Variants in TTC34 observed in about 807,000 individuals in gnomAD.
The protein encoded by TTC34 is tetratricopeptide repeat domain 34.
Under a neutral mutation model 40.7 loss-of-function variants are expected in TTC34, and 44 were observed. The ratio of observed to expected loss-of-function variants is 1.08; its 90% CI spans 0.85 to 1.39. The LOEUF is 1.39. Ranked by LOEUF, TTC34 falls within the 40% of genes most tolerant of loss-of-function variation. TTC34 has a pLI of 0.00. For synonymous variants in TTC34, 422 were observed against 398.6 expected (o/e 1.06, Z -0.70); for missense variants, 884 against 838.0 (o/e 1.05, Z -0.68).
rs1181228335 is a variant in TTC34, at chr1:2,796,693, A to G, written c.784+3351T>C. On this transcript the variant is annotated intron_variant, in intron 2 of 8. Transcript: ENST00000401095. This position sits in a 1 kb window ranked among gnomAD's most constrained non-coding sequence, Gnocchi z 4.5. ...CTCCTGGAGCCCCCTTGCTGTGGGC[A>G]TGGTCCTCACCAGCCCCTGAGTGCC... Among the ~76,000 whole-genome samples the G allele has an allele frequency of 1.3e-5, 2 of 152,132 alleles. No individual in the cohort carries two copies. Among genetic ancestry groups the G allele is most frequent in the African/African-American group, 2.4e-5 (1 of 41,422 alleles).
chr1:2,649,775 A>G lies in TTC34; in HGVS notation c.2227-4212T>C, dbSNP rs150268071. Among the ~76,000 whole-genome samples the G allele has an allele frequency of 9.4e-3, 1,434 of 152,180 alleles. 29 individuals carry two copies. The highest frequency in any genetic ancestry group is 0.033 in the African/African-American group (1,363 of 41,508). On this transcript the variant is annotated intron_variant, in intron 6 of 8. Transcript: ENST00000401095. Reference sequence around the variant, plus strand: ...GTGATCCACCCACCTCGGCCTCCCAAAGTGCTGGGATTACAAGCACGAGTC... The same window carrying G: ...GTGATCCACCCACCTCGGCCTCCCAGAGTGCTGGGATTACAAGCACGAGTC...
intron 6 of TTC34, among the ~76,000 whole-genome samples, chr1:2,687,251 G>C (rs1419718172): frequency 7.9e-6 from 1 of 126,920 alleles, no homozygotes; most frequent in South Asian, 2.3e-4. Flanking sequence ...ACACCCCCAG[G>C]TGCGCATCTG....
At chr1:2,768,530 C>T (rs1489400029) in intron 6 of TTC34, among the ~76,000 whole-genome samples, 3 of 151,662 alleles carry the variant, frequency 2.0e-5, no homozygotes, top group Non-Finnish European at 4.4e-5. Context: ...CCTGGAACAG[C>T]ACCCCACAAC....
At chr1:2,653,624 C>G (rs1450506144) in intron 6 of TTC34, among the ~76,000 whole-genome samples, 19 of 125,014 alleles carry the variant, frequency 1.5e-4, no homozygotes, top group Admixed American at 1.4e-3. Context: ...AAGTGAGCAT[C>G]TGACAGCCTG....
At chr1:2,652,072 G>A (rs55657722) in intron 6 of TTC34, among the ~76,000 whole-genome samples, 2 of 20,434 alleles carry the variant, frequency 9.8e-5, no homozygotes, top group African/African-American at 2.0e-4. Flanking sequence ...CAGCCTGGAG[G>A]AGCACCCACA....
chr1:2,693,294 C>T lies in TTC34; in HGVS notation c.2227-47731G>A, dbSNP rs542530640. ...CAGGTGAGCATCTGACAGACTGGAA[C>T]TGCACCCCCATGCCCAGGTGAGCCT... On this transcript the variant is annotated intron_variant, in intron 6 of 8. Coordinates refer to ENST00000401095, the Ensembl canonical transcript of TTC34. 3.2e-3 allele frequency among the ~76,000 whole-genome samples: 369 copies of T among 114,808 alleles called. 1 individual carries two copies. The highest frequency in any genetic ancestry group is 0.014 in the Middle Eastern group (3 of 222). The allele number at this position is 114,808 out of a possible 152,430, so 75.3% of individuals were successfully genotyped here. A position where few individuals can be genotyped will look rare whatever the true frequency, so the allele number is the denominator to read the frequency against.
intron 8 of TTC34, among the ~76,000 whole-genome samples, chr1:2,643,000 C>T (rs1235335092): frequency 1.3e-5 from 2 of 152,208 alleles, no homozygotes; most frequent in African/African-American, 4.8e-5. Context: ...GGCACCTGAC[C>T]CCGACCCGTA....
intron 6 of TTC34, among the ~76,000 whole-genome samples, chr1:2,657,382 C>A (rs1432247194): frequency 2.1e-5 from 2 of 93,412 alleles, no homozygotes; most frequent in Admixed American, 1.0e-4. Flanking sequence ...CACCCACACC[C>A]CGAGGTGAGC....
At chr1:2,772,889 AC>A (rs1373193610) in intron 6 of TTC34, among the ~76,000 whole-genome samples, 5 of 74,938 alleles carry the variant, frequency 6.7e-5, no homozygotes, top group Non-Finnish European at 1.4e-4. Context: ...CTGGAGCAGA[AC>A]CCCACACCCC....
exon 3 of TTC34, chr1:2,790,225 C>T (rs1381670793): frequency 7.5e-6 from 3 of 398,298 alleles, no homozygotes; most frequent in African/African-American, 6.2e-5. Context: ...GGAACTGCCT[C>T]CGCGCCCCAG....
chr1:2,751,585 A>T (rs1442371955), intron 6 of TTC34, among the ~76,000 whole-genome samples: 1 of 107,972 alleles, frequency 9.3e-6, no homozygotes, highest in African/African-American at 4.2e-5. Context: ...TGCGCACGTG[A>T]CAGCCTGCAA....
intron 6 of TTC34, among the ~76,000 whole-genome samples, chr1:2,691,242 G>T (rs1164919317): frequency 1.2e-5 from 1 of 86,670 alleles, no homozygotes; most frequent in African/African-American, 3.8e-5. Flanking sequence ...GCATCTGACA[G>T]CCTGCAACAG....
intron 2 of TTC34, among the ~76,000 whole-genome samples, chr1:2,794,019 T>C (rs1264439184): frequency 6.6e-6 from 1 of 151,976 alleles, no homozygotes; most frequent in Non-Finnish European, 1.5e-5. Context: ...TCTTTTCTGA[T>C]ACAATGTTTG....
At chr1:2,652,475 GAACC>G (rs1639177734) in intron 6 of TTC34, among the ~76,000 whole-genome samples, 2 of 115,892 alleles carry the variant, frequency 1.7e-5, no homozygotes, top group Admixed American at 9.1e-5. Context: ...GCCTGGAGCA[GAACC>G]CACACCCCCA....
rs1569750630 is a variant in TTC34 at position 2,768,739 on chromosome 1, C to T, written c.2226+14870G>A. 3.5e-5 allele frequency among the ~76,000 whole-genome samples: 5 copies of T among 142,454 alleles called. 1 individual carries two copies. Among genetic ancestry groups the T allele is most frequent in the African/African-American group, 1.3e-4 (5 of 37,778 alleles). 93.5% of individuals were successfully genotyped at this position (142,454 alleles called of 152,430 possible). On this transcript the variant is annotated intron_variant, in intron 6 of 8. Coordinates refer to ENST00000401095, the Ensembl canonical transcript of TTC34. ...TCTGGCAGCCTGGAAAAACAACCCC[C>T]TTCAGGTGAGCATCTGACAGCCTGG...
Position 2,681,658 on chromosome 1 carries a change from T to G in TTC34, c.2227-36095A>C, listed in dbSNP as rs547374894. Among the ~76,000 whole-genome samples, 2 of 19,454 alleles carry G rather than the reference T, an allele frequency of 1.0e-4. 1 individual carries two copies. The highest frequency in any genetic ancestry group is 3.0e-3 in the South Asian group (2 of 668). The allele number at this position is 19,454 out of a possible 152,430, so 12.8% of individuals were successfully genotyped here. A position where few individuals can be genotyped will look rare whatever the true frequency, so the allele number is the denominator to read the frequency against. On this transcript the variant is annotated intron_variant, in intron 6 of 8. Coordinates refer to ENST00000401095, the Ensembl canonical transcript of TTC34. ...GAGCACCTGACAGCCTGGAGCAGCA[T>G]CCACACCCCCAGGTGAGCATTTGAC...
intron 6 of TTC34, among the ~76,000 whole-genome samples, chr1:2,779,469 G>A (rs556168219): frequency 3.5e-4 from 53 of 152,128 alleles, no homozygotes; most frequent in South Asian, 8.3e-4. Flanking sequence ...GATTACAGGC[G>A]CGTGCCACCA....
At chr1:2,653,649 C>T (rs1351841957) in intron 6 of TTC34, among the ~76,000 whole-genome samples, 1 of 64,694 alleles carries the variant, frequency 1.5e-5, no homozygotes, top group African/African-American at 5.4e-5. Context: ...AGCATCCACA[C>T]CCCCAGGCGA....
At chr1:2,780,235 G>T (rs1643460255) in intron 6 of TTC34, among the ~76,000 whole-genome samples, 1 of 152,182 alleles carries the variant, frequency 6.6e-6, no homozygotes, top group African/African-American at 2.4e-5. Context: ...CTTCCATCCT[G>T]TCAGTTGCCT....
Sources: allele counts gnomAD v4.1 joint callset (sites outside exome capture counted in the v4.1 genomes callset), GRCh38; gene constraint gnomAD v4.1.1; non-coding constraint Gnocchi (gnomAD v3.1); transcripts MANE v1.5; gene names NCBI Gene and HGNC (gene_info 2026-07-23, HGNC 2026-07-21).